The following MYO18A variants were observed in gnomAD, a reference collection of about 807,000 sequenced individuals.
MYO18A encodes myosin XVIIIA.
MYO18A carries 78 observed loss-of-function variants against 235.8 expected under a neutral mutation model. The ratio of observed to expected loss-of-function variants is 0.33; its 90% CI spans 0.28 to 0.40. The LOEUF (loss-of-function observed/expected upper bound fraction) is 0.40, where lower values mean the gene tolerates loss of function less well. MYO18A is among the 10% of genes least tolerant of loss of function. The pLI is 1.00. For synonymous variants in MYO18A, 977 were observed against 1,077.8 expected, an observed-to-expected ratio of 0.91 and a Z score of 1.83; for missense variants, 2,215 against 2,699.3, an observed-to-expected ratio of 0.82 and a Z score of 3.98.
chr17:29,086,600 G>A (rs759462214), intron 38 of MYO18A, 23 bp from the exon 39 acceptor site: 2 of 1,610,346 alleles, frequency 1.2e-6, no homozygotes, highest in South Asian at 1.1e-5. Context: ...GGGCAGCCCA[G>A]TTTGCAGGAG....
chr17:29,098,379 T>C lies in MYO18A; in HGVS notation c.3847A>G (p.Asn1283Asp). 6.2e-7 allele frequency: 1 copy of C among 1,613,946 alleles called. No homozygotes were observed. Among genetic ancestry groups the C allele is most frequent in the Non-Finnish European group, 8.5e-7 (1 of 1,179,880 alleles). ...AEKERNELRL[N>D]SDRLESRISE... ...ACCCGGCTCTCCAGCCGGTCACTGT[T>C]GAGCCGCAGCTCGTTCCTCTCCTTC... The change falls in exon 24 of 42, where the codon AAC becomes GAC. Residue 1283 changes from asparagine (N) to aspartate (D), a missense_variant. Coordinates refer to ENST00000527372, the MANE Select transcript of MYO18A (RefSeq NM_078471.4).
intron 15 of MYO18A, among the ~76,000 whole-genome samples, chr17:29,112,550 C>A (rs1377169655): frequency 6.6e-6 from 1 of 152,254 alleles, no homozygotes; most frequent in Admixed American, 6.5e-5. Flanking sequence ...CATTGATAAA[C>A]CCTCTGGTTC....
intron 10 of MYO18A, among the ~76,000 whole-genome samples, chr17:29,116,745 C>T (rs895044389): frequency 2.2e-5 from 1 of 44,566 alleles, no homozygotes; most frequent in Non-Finnish European, 7.6e-5. Context: ...CCCCCCCCCC[C>T]GCCGGAAAAC....
intron 11 of MYO18A, among the ~76,000 whole-genome samples, chr17:29,116,129 G>A (rs2152839422): frequency 6.6e-6 from 1 of 152,380 alleles, no homozygotes; most frequent in Non-Finnish European, 1.5e-5. Context: ...CAGCTCCGGG[G>A]ATGCCCAACT....
intron 2 of MYO18A, among the ~76,000 whole-genome samples, chr17:29,128,804 C>T (rs1272737414): frequency 2.6e-5 from 4 of 152,218 alleles, no homozygotes; most frequent in African/African-American, 9.7e-5. Flanking sequence ...TGCTGTCTAT[C>T]CCCAGACTTA....
intron 15 of MYO18A, among the ~76,000 whole-genome samples, chr17:29,112,650 G>C (rs2152829428): frequency 6.6e-6 from 1 of 152,380 alleles, no homozygotes; most frequent in South Asian, 2.1e-4. Context: ...TGGCCTGAAG[G>C]TGCCTTTTCT....
In MYO18A at chr17:29,125,444, A is replaced by G. The variant is rs1202828851; in HGVS notation, c.1000-3191T>C. On this transcript the variant is annotated intron_variant, in intron 2 of 41. Coordinates refer to ENST00000527372, the MANE Select transcript of MYO18A (RefSeq NM_078471.4). The surrounding 1 kb of genome is among the most constrained non-coding windows in gnomAD (Gnocchi z 5.1). Reference sequence around the variant, plus strand: ...CCAGCCGTGACCTCTCTGGTTACTTAAAGCCCTGAAAAGCCTTTCTGGGGA... The same window carrying G: ...CCAGCCGTGACCTCTCTGGTTACTTGAAGCCCTGAAAAGCCTTTCTGGGGA... Among the ~76,000 whole-genome samples, 1 of 152,222 alleles carries G rather than the reference A, an allele frequency of 6.6e-6. No homozygotes were observed. The highest frequency in any genetic ancestry group is 1.5e-5 in the Non-Finnish European group (1 of 68,038).
chr17:29,146,074 A>G (rs959266775), intron 2 of MYO18A, among the ~76,000 whole-genome samples: 17 of 152,154 alleles, frequency 1.1e-4, no homozygotes, highest in Admixed American at 3.3e-4. Context: ...CCTGGCCAAC[A>G]TGGTGAAACC....
intron 2 of MYO18A, among the ~76,000 whole-genome samples, chr17:29,157,219 T>G (rs916890983): frequency 3.9e-5 from 6 of 152,230 alleles, no homozygotes; most frequent in African/African-American, 1.4e-4. Flanking sequence ...GGCGTCCCTC[T>G]TCCACCCTTC....
chr17:29,140,610 G>T lies in MYO18A; in HGVS notation c.1000-18357C>A, dbSNP rs939481715. 8 of 235,180 alleles carry T rather than the reference G, an allele frequency of 3.4e-5. No homozygotes were observed. Among genetic ancestry groups the T allele is most frequent in the Non-Finnish European group, 6.0e-5 (7 of 116,526 alleles). 14.6% of individuals were successfully genotyped at this position (235,180 alleles called of 1,614,324 possible). A position where few individuals can be genotyped will look rare whatever the true frequency, so the allele number is the denominator to read the frequency against. On this transcript the variant is annotated intron_variant, in intron 2 of 41. Transcript: ENST00000527372. This position sits in a 1 kb window ranked among gnomAD's most constrained non-coding sequence, Gnocchi z 4.2. ...TTAGGGTAAAGCCATTGGGGTGGGGGGCAGGCAGTGTTAGGGGGTTAGGGC... is the reference window on the plus strand; with the variant it reads ...TTAGGGTAAAGCCATTGGGGTGGGGTGCAGGCAGTGTTAGGGGGTTAGGGC...
chr17:29,120,937 C>G lies in MYO18A; in HGVS notation c.1585+61G>C. On this transcript the variant is annotated intron_variant, in intron 6 of 41. Transcript: ENST00000527372. This position sits in a 1 kb window ranked among gnomAD's most constrained non-coding sequence, Gnocchi z 4.2. Reference sequence around the variant, plus strand: ...AAAAGAGCTGGCACTTAAGAGGGTGCTCTCTCCTCACTCCCCTCCCCTCAC... The same window carrying G: ...AAAAGAGCTGGCACTTAAGAGGGTGGTCTCTCCTCACTCCCCTCCCCTCAC... 2 of 1,565,334 alleles carry G rather than the reference C, an allele frequency of 1.3e-6. No individual in the cohort carries two copies. Among genetic ancestry groups the G allele is most frequent in the East Asian group, 2.3e-5 (1 of 43,062 alleles).
chr17:29,142,173 C>T (rs1411920860), intron 2 of MYO18A, among the ~76,000 whole-genome samples: 1 of 152,212 alleles, frequency 6.6e-6, no homozygotes, highest in Admixed American at 6.5e-5. Flanking sequence ...ACCTCGTGAT[C>T]CGCCCGCCTT....
chr17:29,156,359 T>C (rs2068066268), intron 2 of MYO18A, among the ~76,000 whole-genome samples: 1 of 152,120 alleles, frequency 6.6e-6, no homozygotes, highest in African/African-American at 2.4e-5. Context: ...TGTGGGCTCC[T>C]GTGTGGGGGC....
chr17:29,161,767 C>T (rs565645682), intron 2 of MYO18A, among the ~76,000 whole-genome samples: 1 of 152,366 alleles, frequency 6.6e-6, no homozygotes, highest in African/African-American at 2.4e-5. Flanking sequence ...TCCAGCCTGG[C>T]CTCTGCCCCT....
chr17:29,127,201 T>C (rs1420367079), intron 2 of MYO18A, among the ~76,000 whole-genome samples: 2 of 152,202 alleles, frequency 1.3e-5, no homozygotes, highest in Non-Finnish European at 2.9e-5. Flanking sequence ...TTTTCTTAAC[T>C]ATTTTGGCGG....
chr17:29,074,540 G>C lies in MYO18A; in HGVS notation c.*230C>G. On this transcript the variant is annotated 3_prime_UTR_variant, in exon 42 of 42. Coordinates refer to ENST00000527372, the MANE Select transcript of MYO18A (RefSeq NM_078471.4). The surrounding 1 kb of genome is among the most constrained non-coding windows in gnomAD (Gnocchi z 4.4). The stretch of plus-strand genomic sequence containing the variant: ...AGAAGCCAAGAGTCTGGCATTTTGA[G>C]ACAGAGGAGCAAAAAGTTCTCTTCA... 1.7e-6 allele frequency: 1 copy of C among 595,844 alleles called. No homozygotes were observed. Among genetic ancestry groups the C allele is most frequent in the Admixed American group, 3.0e-5 (1 of 33,398 alleles). The allele number at this position is 595,844 out of a possible 1,614,324, so 36.9% of individuals were successfully genotyped here. A position where few individuals can be genotyped will look rare whatever the true frequency, so the allele number is the denominator to read the frequency against.
chr17:29,143,621 G>A (rs1267537957), intron 2 of MYO18A, among the ~76,000 whole-genome samples: 1 of 152,042 alleles, frequency 6.6e-6, no homozygotes, highest in African/African-American at 2.4e-5. Context: ...AAATTTCCAG[G>A]TAACTGGAGC....
Position 29,096,648 on chromosome 17 carries a change from G to GC in MYO18A, c.4385+112dup, listed in dbSNP as rs916491443. ...CAAGATGAGTGACCAGGCAAGCAAG[G>GC]CCCCTGGACAAATTCAGGTCCTTCC... On this transcript the variant is annotated intron_variant, in intron 28 of 41. Coordinates refer to ENST00000527372, the MANE Select transcript of MYO18A (RefSeq NM_078471.4). 6 of 1,302,804 alleles carry GC rather than the reference G, an allele frequency of 4.6e-6. No individual in the cohort carries two copies. In the Admixed American group the frequency reaches 1.9e-4, roughly 42 times the overall value. The allele number at this position is 1,302,804 out of a possible 1,614,324, so 80.7% of individuals were successfully genotyped here. A position where few individuals can be genotyped will look rare whatever the true frequency, so the allele number is the denominator to read the frequency against.
chr17:29,167,157 T>C (rs1031359673), intron 1 of MYO18A, 136 bp from the exon 2 acceptor site: 3 of 558,588 alleles, frequency 5.4e-6, no homozygotes, highest in Non-Finnish European at 9.1e-6. Context: ...TTACCCAATA[T>C]TGTCTCCACT....
Sources: allele counts gnomAD v4.1 joint callset (sites outside exome capture counted in the v4.1 genomes callset), GRCh38; gene constraint gnomAD v4.1.1; non-coding constraint Gnocchi (gnomAD v3.1); transcripts MANE v1.5; gene names NCBI Gene and HGNC (gene_info 2026-07-23, HGNC 2026-07-21).